The following KHDRBS2 variants were observed in gnomAD, a reference collection of about 807,000 sequenced individuals.
KHDRBS2 encodes KH RNA binding domain containing, signal transduction associated 2.
KHDRBS2 carries 26 observed loss-of-function variants against 44.3 expected under a neutral mutation model. That is an observed-to-expected ratio of 0.59 (90% CI 0.43 to 0.81). The LOEUF (loss-of-function observed/expected upper bound fraction) is 0.81. Ranked by LOEUF, KHDRBS2 falls within the 40% of genes least tolerant of loss-of-function variation. The pLI is 0.00. For synonymous variants in KHDRBS2, 194 were observed against 151.1 expected (o/e 1.28, Z -2.08); for missense variants, 476 against 433.1 (o/e 1.10, Z -0.88).
chr6:61,706,510 T>C (rs1302103325), intron 7 of KHDRBS2, among the ~76,000 whole-genome samples: 2 of 151,732 alleles, frequency 1.3e-5, no homozygotes, highest in Non-Finnish European at 2.9e-5. Context: ...TGCCAGGTAA[T>C]GAGGCTTGGG....
chr6:61,771,928 T>C (rs940488529), intron 6 of KHDRBS2, among the ~76,000 whole-genome samples: 2 of 152,104 alleles, frequency 1.3e-5, no homozygotes, highest in African/African-American at 2.4e-5. Context: ...ATTGACCACA[T>C]AGTGGGAAGT....
intron 6 of KHDRBS2, among the ~76,000 whole-genome samples, chr6:61,845,270 C>G (rs1199646092): frequency 6.6e-6 from 1 of 151,220 alleles, no homozygotes; most frequent in Non-Finnish European, 1.5e-5. Flanking sequence ...GAGGTCCTCA[C>G]TACCCAGTTC....
At chr6:61,704,998 A>C (rs922301378) in intron 7 of KHDRBS2, among the ~76,000 whole-genome samples, 1 of 151,872 alleles carries the variant, frequency 6.6e-6, no homozygotes, top group Non-Finnish European at 1.5e-5. Context: ...ATCCATAATT[A>C]AAACTGCTAA....
intron 4 of KHDRBS2, among the ~76,000 whole-genome samples, chr6:61,904,195 T>C (rs1349939483): frequency 6.6e-6 from 1 of 152,138 alleles, no homozygotes; most frequent in Non-Finnish European, 1.5e-5. Context: ...TAGCCTTAGT[T>C]GGAGGTGAAT....
chr6:61,922,707 C>T (rs189425047), intron 4 of KHDRBS2, among the ~76,000 whole-genome samples: 30 of 152,076 alleles, frequency 2.0e-4, no homozygotes, highest in Non-Finnish European at 3.1e-4. Context: ...ATTATCTCTA[C>T]GAGGGTGAAT....
At chr6:62,155,169 T>C (rs1816082599) in intron 2 of KHDRBS2, among the ~76,000 whole-genome samples, 1 of 151,836 alleles carries the variant, frequency 6.6e-6, no homozygotes, top group Non-Finnish European at 1.5e-5. Context: ...GAGCTGGGTT[T>C]AGAGAAAAAA....
intron 4 of KHDRBS2, among the ~76,000 whole-genome samples, chr6:61,919,742 C>A (rs376012201): frequency 1.1e-4 from 16 of 151,484 alleles, no homozygotes; most frequent in South Asian, 4.2e-4. Context: ...CAAAAAAAAA[C>A]CCCACCAAAC....
chr6:62,070,216 G>A (rs704493), intron 2 of KHDRBS2, among the ~76,000 whole-genome samples: 9,968 of 151,618 alleles, frequency 0.066, 402 homozygotes, highest in Middle Eastern at 0.13. Context: ...GTATTTTGAT[G>A]AAGACTTACA....
chr6:62,000,193 T>C (rs894653102), intron 3 of KHDRBS2, among the ~76,000 whole-genome samples: 4 of 152,074 alleles, frequency 2.6e-5, no homozygotes, highest in Non-Finnish European at 4.4e-5. Flanking sequence ...ATGCTTCCTA[T>C]AGTGAGTTCT....
the KHDRBS2 span, among the ~76,000 whole-genome samples, chr6:61,609,820 T>G: frequency 6.6e-6 from 1 of 152,218 alleles, no homozygotes; most frequent in African/African-American, 2.4e-5. Context: ...TGTTTTAAAA[T>G]AGTTTTTCTC....
At chr6:62,098,885 A>T (rs1801237902) in intron 2 of KHDRBS2, among the ~76,000 whole-genome samples, 1 of 151,394 alleles carries the variant, frequency 6.6e-6, no homozygotes, top group South Asian at 2.1e-4. Flanking sequence ...TGGGCTCACT[A>T]TTTTTTTCTT....
chr6:61,724,216 A>T (rs533234688), intron 7 of KHDRBS2, among the ~76,000 whole-genome samples: 1 of 152,314 alleles, frequency 6.6e-6, no homozygotes, highest in South Asian at 2.1e-4. Context: ...TGACCAAACT[A>T]AGCTTCATAA....
chr6:61,966,279 C>T (rs1333071198), intron 4 of KHDRBS2, among the ~76,000 whole-genome samples: 7 of 152,062 alleles, frequency 4.6e-5, no homozygotes, highest in South Asian at 4.1e-4. Context: ...CAACTATCTT[C>T]GGGTAGTTTG....
intron 6 of KHDRBS2, among the ~76,000 whole-genome samples, chr6:61,871,020 C>G (rs1334594234): frequency 6.6e-6 from 1 of 152,216 alleles, no homozygotes; most frequent in South Asian, 2.1e-4. Context: ...GACGCACTGA[C>G]AGAAGTAGGC....
chr6:61,675,938 T>A (rs1237420822), downstream of KHDRBS2, among the ~76,000 whole-genome samples: 1 of 151,770 alleles, frequency 6.6e-6, no homozygotes, highest in East Asian at 2.0e-4. Flanking sequence ...TGCACTATTA[T>A]CTAAAAACCT....
chr6:62,034,455 T>G (rs2127294663), intron 3 of KHDRBS2, among the ~76,000 whole-genome samples: 1 of 151,700 alleles, frequency 6.6e-6, no homozygotes, highest in African/African-American at 2.4e-5. Context: ...AACAACACAT[T>G]AAAAAGATCA....
In KHDRBS2 at chr6:62,285,991, G is replaced by C; in HGVS notation, c.-43C>G. The C allele has an allele frequency of 1.6e-6, 2 of 1,278,072 alleles. No homozygotes were observed. The highest frequency in any genetic ancestry group is 2.3e-6 in the Non-Finnish European group (2 of 885,304). The allele number at this position is 1,278,072 out of a possible 1,614,324, so 79.2% of individuals were successfully genotyped here. A position where few individuals can be genotyped will look rare whatever the true frequency, so the allele number is the denominator to read the frequency against. On this transcript the variant is annotated 5_prime_UTR_variant, in exon 1 of 9. Coordinates refer to ENST00000281156, the MANE Select transcript of KHDRBS2 (RefSeq NM_152688.4). Reference sequence around the variant, plus strand: ...GTCCCCGGGCGAAGCGCGAGGTTCCGCTCGCTCGGACGCAGGCAGGGTCTT... The same window carrying C: ...GTCCCCGGGCGAAGCGCGAGGTTCCCCTCGCTCGGACGCAGGCAGGGTCTT...
intron 4 of KHDRBS2, among the ~76,000 whole-genome samples, chr6:61,957,966 C>T (rs1767791704): frequency 6.6e-6 from 1 of 152,038 alleles, no homozygotes; most frequent in Non-Finnish European, 1.5e-5. Flanking sequence ...CTCAGACTGG[C>T]CAACACTTAG....
intron 7 of KHDRBS2, among the ~76,000 whole-genome samples, chr6:61,716,562 T>TA (rs1304347072): frequency 4.6e-5 from 7 of 152,146 alleles, no homozygotes; most frequent in South Asian, 4.1e-4. Context: ...TTCATTTTTT[T>TA]AAAAAAACCT....
Sources: allele counts gnomAD v4.1 joint callset (sites outside exome capture counted in the v4.1 genomes callset), GRCh38; gene constraint gnomAD v4.1.1; transcripts MANE v1.5; gene names NCBI Gene and HGNC (gene_info 2026-07-23, HGNC 2026-07-21).